PDE1A: variants seen among roughly 807,000 people sequenced by gnomAD.
The protein encoded by PDE1A is phosphodiesterase 1A.
Under a neutral mutation model 61.7 loss-of-function variants are expected in PDE1A, and 35 were observed. That is an observed-to-expected ratio of 0.57 (90% confidence interval 0.43 to 0.75). The LOEUF is 0.75. PDE1A is among the 30% of genes least tolerant of loss of function. The pLI is 0.00. For synonymous variants in PDE1A, 232 were observed against 213.2 expected (o/e 1.09, Z -0.77); for missense variants, 597 against 630.6 (o/e 0.95, Z 0.57).
intron 7 of PDE1A, among the ~76,000 whole-genome samples, chr2:182,214,206 G>A (rs1188791280): frequency 1.3e-5 from 2 of 151,382 alleles, no homozygotes; most frequent in Non-Finnish European, 2.9e-5. Flanking sequence ...TTACAGACAA[G>A]CAAATGCTGA....
At chr2:182,433,725 C>T (rs1277308891) in intron 2 of PDE1A, among the ~76,000 whole-genome samples, 1 of 152,046 alleles carries the variant, frequency 6.6e-6, no homozygotes, top group African/African-American at 2.4e-5. Flanking sequence ...GTACAGCATA[C>T]CACAATATCC....
upstream of PDE1A, among the ~76,000 whole-genome samples, chr2:182,523,710 A>C (rs1160263174): frequency 1.3e-5 from 2 of 152,172 alleles, no homozygotes; most frequent in African/African-American, 4.8e-5. Flanking sequence ...ACCTTTTTAA[A>C]TTCTTACAAG....
chr2:182,294,886 G>A (rs1014545047), intron 1 of PDE1A, among the ~76,000 whole-genome samples: 1 of 151,866 alleles, frequency 6.6e-6, no homozygotes, highest in African/African-American at 2.4e-5. Flanking sequence ...AGTTATAAGG[G>A]AACAGAGGGA....
At chr2:182,345,191 A>C (rs1399165647) in intron 1 of PDE1A, among the ~76,000 whole-genome samples, 1 of 152,188 alleles carries the variant, frequency 6.6e-6, no homozygotes, top group Non-Finnish European at 1.5e-5. Context: ...CCACTTAGAT[A>C]ATTAATAGAC....
At position 182,220,149 on chromosome 2, in the gene PDE1A, T is replaced by G. The variant is rs146965293; in HGVS notation, c.776+3715A>C. Among the ~76,000 whole-genome samples, 404 of 152,196 alleles carry G rather than the reference T, an allele frequency of 2.7e-3. 2 individuals are homozygous for G. The highest frequency in any genetic ancestry group is 9.4e-3 in the African/African-American group (390 of 41,560). On this transcript the variant is annotated intron_variant, in intron 7 of 13. Coordinates refer to ENST00000351439, the Ensembl canonical transcript of PDE1A. ...ACATATTTCTAAAATAGATTTCCAT[T>G]TAATAATCTTAGTTAAGGCCTAAAA...
intron 1 of PDE1A, among the ~76,000 whole-genome samples, chr2:182,342,524 A>G (rs936014676): frequency 2.0e-5 from 3 of 152,208 alleles, no homozygotes; most frequent in African/African-American, 7.2e-5. Flanking sequence ...TCTACTAAAA[A>G]TACAAAAAAT....
the PDE1A span, among the ~76,000 whole-genome samples, chr2:182,585,185 C>T: frequency 9.4e-4 from 143 of 152,252 alleles, 2 homozygotes; most frequent in East Asian, 0.021. Context: ...GCAACAATCA[C>T]CTGGAAAGAA....
At chr2:182,467,465 T>C (rs1338921333) in intron 2 of PDE1A, among the ~76,000 whole-genome samples, 2 of 151,938 alleles carry the variant, frequency 1.3e-5, no homozygotes, top group Non-Finnish European at 2.9e-5. Context: ...TGGGGAATTA[T>C]ATTAAACATT....
chr2:182,332,812 G>A (rs977991921), intron 1 of PDE1A, among the ~76,000 whole-genome samples: 48 of 152,064 alleles, frequency 3.2e-4, no homozygotes, highest in African/African-American at 1.2e-3. Flanking sequence ...CCAGTCAGGA[G>A]GCAAGGTGGT....
the PDE1A span, among the ~76,000 whole-genome samples, chr2:182,657,094 A>G: frequency 6.6e-6 from 1 of 152,102 alleles, no homozygotes; most frequent in African/African-American, 2.4e-5. Flanking sequence ...TTGGTGGTGC[A>G]TGCCTATAGT....
chr2:182,603,338 T>C, the PDE1A span, among the ~76,000 whole-genome samples: 7 of 152,164 alleles, frequency 4.6e-5, no homozygotes, highest in Middle Eastern at 3.2e-3. Context: ...TGAAGTTTTT[T>C]GTTTTTTGTT....
chr2:182,348,323 G>A (rs1698644812), intron 1 of PDE1A, among the ~76,000 whole-genome samples: 1 of 152,088 alleles, frequency 6.6e-6, no homozygotes, highest in South Asian at 2.1e-4. Flanking sequence ...TCAGTAAGAG[G>A]AACTAATCAT....
intron 8 of PDE1A, among the ~76,000 whole-genome samples, chr2:182,203,319 G>GAA (rs201836568): frequency 2.3e-5 from 3 of 132,486 alleles, no homozygotes; most frequent in African/African-American, 8.5e-5. Flanking sequence ...GACTCCGTCT[G>GAA]AAAAAAAAAC....
intron 1 of PDE1A, among the ~76,000 whole-genome samples, chr2:182,274,239 A>G (rs1693244075): frequency 6.6e-6 from 1 of 152,128 alleles, no homozygotes; most frequent in Non-Finnish European, 1.5e-5. Context: ...AATATATCAA[A>G]TGGCTTGGGA....
the PDE1A span, among the ~76,000 whole-genome samples, chr2:182,708,724 A>G: frequency 6.6e-6 from 1 of 152,302 alleles, no homozygotes; most frequent in South Asian, 2.1e-4. Flanking sequence ...GAGTGGGGAC[A>G]CAGAGCCAAA....
the PDE1A span, among the ~76,000 whole-genome samples, chr2:182,690,740 G>T: frequency 1.3e-5 from 2 of 152,144 alleles, no homozygotes; most frequent in African/African-American, 4.8e-5. Context: ...AAGTCAAATT[G>T]TCCCTGTCTG....
At chr2:182,606,533 C>A in the PDE1A span, among the ~76,000 whole-genome samples, 1 of 152,068 alleles carries the variant, frequency 6.6e-6, no homozygotes, top group Non-Finnish European at 1.5e-5. Flanking sequence ...ATTCATTCAA[C>A]TATTTAACAA....
rs192619666 is a variant in PDE1A at position 182,240,033 on chromosome 2, C to T, written c.350+77G>A. On this transcript the variant is annotated intron_variant, in intron 3 of 13. Transcript: ENST00000351439. ...TCGTCAATAAGTGAAATATAGACTG[C>T]TCATACCCTTGAAAAAATGAATGTA... 5.9e-4 allele frequency: 774 copies of T among 1,314,860 alleles called. 6 individuals are homozygous for T. The African/African-American group carries it at 0.01, about 17-fold the overall frequency. 81.4% of individuals were successfully genotyped at this position (1,314,860 alleles called of 1,614,324 possible). A position where few individuals can be genotyped will look rare whatever the true frequency, so the allele number is the denominator to read the frequency against.
chr2:182,623,730 G>A, the PDE1A span, among the ~76,000 whole-genome samples: 1 of 152,174 alleles, frequency 6.6e-6, no homozygotes, highest in Non-Finnish European at 1.5e-5. Flanking sequence ...TCTGCCCATA[G>A]GCTACAGCCT....
Sources: allele counts gnomAD v4.1 joint callset (sites outside exome capture counted in the v4.1 genomes callset), GRCh38; gene constraint gnomAD v4.1.1; transcripts MANE v1.5; gene names NCBI Gene and HGNC (gene_info 2026-07-23, HGNC 2026-07-21).